The following NME8 variants were observed in gnomAD, a reference collection of about 807,000 sequenced individuals.
NME8 encodes the protein NME/NM23 family member 8.
A neutral mutation model predicts 82.3 loss-of-function variants in NME8; 72 were observed. That is an observed-to-expected ratio of 0.87 (90% CI 0.72 to 1.06). The LOEUF (loss-of-function observed/expected upper bound fraction) is 1.06, where lower values mean the gene tolerates loss of function less well. NME8 is among the 50% of genes least tolerant of loss of function. The pLI is 0.00. For missense variants in NME8, 712 were observed against 685.4 expected (o/e 1.04, Z -0.43); for synonymous variants, 267 against 228.5 (o/e 1.17, Z -1.52).
intron 14 of NME8, 127 bp from the exon 15 acceptor site, chr7:37,888,150 C>G (rs2131970358): frequency 1.1e-6 from 1 of 936,422 alleles, no homozygotes; most frequent in South Asian, 1.4e-5. Context: ...TACTTACTTC[C>G]TTTTGCACAG....
intron 11 of NME8, 121 bp downstream of exon 11, chr7:37,868,019 C>T (rs1182879292): frequency 6.2e-6 from 5 of 805,634 alleles, no homozygotes; most frequent in Admixed American, 4.0e-5. Flanking sequence ...GTATTTCTTC[C>T]AGTCAACCTA....
At position 37,857,283 on chromosome 7, in the gene NME8, G is replaced by A. The variant is rs1186107198; in HGVS notation, c.208G>A (p.Asp70Asn). The change falls in exon 6 of 18, where the codon GAC becomes AAC. Residue 70 changes from aspartate (D) to asparagine (N), a missense_variant. Transcript: ENST00000199447. ...TGTTTACTTTTTCCAGGCAGAAGCT[G>A]ACAACATTGTGACTTTGCAGCCATT... ...EILHFAVAEA[D>N]NIVTLQPFRD... 20 of 1,610,354 alleles carry A rather than the reference G, an allele frequency of 1.2e-5. No homozygotes were observed. Among genetic ancestry groups the A allele is most frequent in the Non-Finnish European group, 9.3e-6 (11 of 1,177,606 alleles).
At chr7:37,857,210 T>C in intron 5 of NME8, 64 bp from the exon 6 acceptor site, 1 of 1,202,806 alleles carries the variant, frequency 8.3e-7, no homozygotes, top group Non-Finnish European at 1.2e-6. Context: ...TGTTTCAACA[T>C]AGTGTATCAA....
chr7:37,856,622 T>C (rs1784516750), intron 5 of NME8, among the ~76,000 whole-genome samples: 1 of 152,214 alleles, frequency 6.6e-6, no homozygotes, highest in Non-Finnish European at 1.5e-5. Context: ...GAATGTATAG[T>C]TGTTCATAAT....
intron 14 of NME8, 34 bp from the exon 15 acceptor site, chr7:37,888,243 C>T (rs778343413): frequency 5.6e-6 from 9 of 1,606,526 alleles, no homozygotes; most frequent in Non-Finnish European, 6.8e-6. Flanking sequence ...CTGTTCTGTT[C>T]TAATAGCTTT....
intron 11 of NME8, among the ~76,000 whole-genome samples, chr7:37,870,942 C>A (rs1296684536): frequency 6.6e-6 from 1 of 152,192 alleles, no homozygotes; most frequent in Non-Finnish European, 1.5e-5. Context: ...CATGTGACAT[C>A]TTTCAAGTAG....
At chr7:37,886,016 T>C (rs779013132) in intron 14 of NME8, among the ~76,000 whole-genome samples, 2 of 152,320 alleles carry the variant, frequency 1.3e-5, no homozygotes, top group East Asian at 1.9e-4. Context: ...ACACAATAAA[T>C]AACAATAGTT....
intron 12 of NME8, 26 bp from the exon 13 acceptor site, chr7:37,884,277 C>T: frequency 6.8e-7 from 1 of 1,468,982 alleles, no homozygotes; most frequent in East Asian, 2.3e-5. Context: ...CAGTTTAAAA[C>T]TTATTATGTA....
chr7:37,882,088 T>C (rs1784955205), intron 12 of NME8, among the ~76,000 whole-genome samples: 1 of 152,228 alleles, frequency 6.6e-6, no homozygotes. Flanking sequence ...TGCTCAATTG[T>C]TTTTCAAGAT....
In NME8 at chr7:37,885,266, C is replaced by G. The variant is rs1439676096; in HGVS notation, c.1247+14C>G. On this transcript the variant is annotated intron_variant, in intron 14 of 17. Transcript: ENST00000199447. ...TTTTCCAGAGAGGTAGGATTCATAC[C>G]ATGGGTCACTATCTGTTTTCGTGGG... 4 of 1,519,850 alleles carry G rather than the reference C, an allele frequency of 2.6e-6. No homozygotes were observed. The East Asian group carries it at 9.0e-5, about 34-fold the overall frequency. 94.1% of individuals were successfully genotyped at this position (1,519,850 alleles called of 1,614,324 possible).
chr7:37,849,823 A>ATTG (rs1336495553), intron 2 of NME8, among the ~76,000 whole-genome samples: 1 of 150,006 alleles, frequency 6.7e-6, no homozygotes, highest in Non-Finnish European at 1.5e-5. Flanking sequence ...GTGAGCCCAG[A>ATTG]TTGTGCCACT....
intron 12 of NME8, among the ~76,000 whole-genome samples, chr7:37,883,682 C>T (rs1784997735): frequency 6.6e-6 from 1 of 152,284 alleles, no homozygotes; most frequent in East Asian, 1.9e-4. Flanking sequence ...CCGAGTGCCT[C>T]TCTCAGAAGA....
chr7:37,857,109 T>C (rs1253123132), intron 5 of NME8, among the ~76,000 whole-genome samples, 165 bp from the exon 6 acceptor site: 2 of 152,216 alleles, frequency 1.3e-5, no homozygotes, highest in Non-Finnish European at 2.9e-5. Context: ...GACGTAGGGC[T>C]TGAATCGCCA....
At chr7:37,879,681 G>A (rs1784912201) in intron 12 of NME8, among the ~76,000 whole-genome samples, 1 of 152,172 alleles carries the variant, frequency 6.6e-6, no homozygotes, top group Non-Finnish European at 1.5e-5. Flanking sequence ...TTTTTGTGTG[G>A]ATGTCAGTTT....
intron 12 of NME8, among the ~76,000 whole-genome samples, chr7:37,883,617 T>C (rs1489773474): frequency 6.6e-6 from 1 of 152,186 alleles, no homozygotes; most frequent in Admixed American, 6.5e-5. Flanking sequence ...AAAGATCATG[T>C]CCCTCAAACA....
rs376424472 is a variant in NME8, at chr7:37,894,638, A to G, written c.1544+28A>G. On this transcript the variant is annotated intron_variant, in intron 16 of 17. Coordinates refer to ENST00000199447, the MANE Select transcript of NME8 (RefSeq NM_016616.5). ...AAGTTTCTGATACATAATTGTTTGC[A>G]TTATAAAAGTGGTAAATGTTCATTA... 3 of 1,536,270 alleles carry G rather than the reference A, an allele frequency of 2.0e-6. No individual in the cohort carries two copies. The South Asian group carries it at 3.4e-5, about 18-fold the overall frequency.
chr7:37,885,913 A>T (rs1344187018), intron 14 of NME8, among the ~76,000 whole-genome samples: 1 of 152,230 alleles, frequency 6.6e-6, no homozygotes, highest in East Asian at 1.9e-4. Flanking sequence ...GTAGGATTCA[A>T]TTCAAAGGAA....
chr7:37,891,465 T>G (rs1785128123), intron 15 of NME8, among the ~76,000 whole-genome samples: 1 of 151,650 alleles, frequency 6.6e-6, no homozygotes, highest in Non-Finnish European at 1.5e-5. Context: ...GTTTATTTTA[T>G]GTTAATAATA....
At chr7:37,865,479 A>T (rs1430102966) in intron 9 of NME8, 46 bp from the exon 10 acceptor site, 1 of 1,322,346 alleles carries the variant, frequency 7.6e-7, no homozygotes, top group Non-Finnish European at 1.1e-6. Context: ...CTTGTTTTAC[A>T]TGTGATCCCA....
Sources: allele counts gnomAD v4.1 joint callset (sites outside exome capture counted in the v4.1 genomes callset), GRCh38; gene constraint gnomAD v4.1.1; transcripts MANE v1.5; gene names NCBI Gene and HGNC (gene_info 2026-07-23, HGNC 2026-07-21).